Variants in LINGO2 observed in about 807,000 individuals in gnomAD.
LINGO2 encodes leucine rich repeat and Ig domain containing 2.
LINGO2 carries 14 observed loss-of-function variants against 30.6 expected under a neutral mutation model. That is an observed-to-expected ratio of 0.46 (90% CI 0.30 to 0.72). LINGO2 has a LOEUF of 0.72. LINGO2 is among the 30% of genes least tolerant of loss of function. The pLI is 0.07. For missense variants in LINGO2, 729 were observed against 751.7 expected (o/e 0.97, Z 0.35); for synonymous variants, 317 against 288.5 (o/e 1.10, Z -1.00).
intron 4 of LINGO2, among the ~76,000 whole-genome samples, chr9:28,289,996 G>A (rs577438297): frequency 6.6e-6 from 1 of 152,330 alleles, no homozygotes; most frequent in South Asian, 2.1e-4. Flanking sequence ...CTCACAGCCA[G>A]GAGAAGGGAT....
At chr9:28,320,818 C>T (rs1225442834) in intron 3 of LINGO2, among the ~76,000 whole-genome samples, 1 of 152,152 alleles carries the variant, frequency 6.6e-6, no homozygotes, top group Non-Finnish European at 1.5e-5. Flanking sequence ...ATCTGTTCCC[C>T]TTCTGTTTCC....
chr9:28,840,776 G>A, the LINGO2 span, among the ~76,000 whole-genome samples: 1 of 151,920 alleles, frequency 6.6e-6, no homozygotes, highest in African/African-American at 2.4e-5. Flanking sequence ...CTAAGGTTAT[G>A]GATCCAGTTT....
At chr9:28,885,350 T>C in the LINGO2 span, among the ~76,000 whole-genome samples, 1 of 39,620 alleles carries the variant, frequency 2.5e-5, no homozygotes, top group Non-Finnish European at 8.5e-5. Flanking sequence ...AGCAGGGAGA[T>C]ATATATATAT....
Position 28,129,968 on chromosome 9 carries a change from T to C in LINGO2, c.-86-117563A>G, listed in dbSNP as rs1237772186. 6.6e-6 allele frequency among the ~76,000 whole-genome samples: 1 copy of C among 152,218 alleles called. No homozygotes were observed. Among genetic ancestry groups the C allele is most frequent in the Non-Finnish European group, 1.5e-5 (1 of 68,032 alleles). ...ATCTTTGTGGTATAACAACTTATGT[T>C]CCAGTAACTTCTATTTTAGTAGACT... On this transcript the variant is annotated intron_variant, in intron 4 of 5. Transcript: ENST00000379992. The surrounding 1 kb of genome is among the most constrained non-coding windows in gnomAD (Gnocchi z 4.0).
intron 5 of LINGO2, among the ~76,000 whole-genome samples, chr9:27,959,690 C>T (rs1452265874): frequency 1.3e-5 from 2 of 152,108 alleles, no homozygotes; most frequent in African/African-American, 4.8e-5. Flanking sequence ...ATTGGACCAG[C>T]GTATGATCAA....
the LINGO2 span, among the ~76,000 whole-genome samples, chr9:28,847,991 A>G: frequency 1.2e-5 from 1 of 85,216 alleles, no homozygotes; most frequent in African/African-American, 4.3e-5. Context: ...GTATATATGT[A>G]TATGTACATA....
the LINGO2 span, among the ~76,000 whole-genome samples, chr9:28,880,759 T>C: frequency 6.6e-6 from 1 of 152,166 alleles, no homozygotes; most frequent in South Asian, 2.1e-4. Context: ...AAAACCCGAT[T>C]GTACATTTGT....
At chr9:28,051,579 C>T (rs1324679671) in intron 4 of LINGO2, among the ~76,000 whole-genome samples, 1 of 152,032 alleles carries the variant, frequency 6.6e-6, no homozygotes. Flanking sequence ...GTGATTTCAT[C>T]CTAATGATCT....
intron 1 of LINGO2, among the ~76,000 whole-genome samples, chr9:28,641,790 A>G (rs57115036): frequency 0.03 from 4,540 of 152,260 alleles, 212 homozygotes; most frequent in African/African-American, 0.097. Flanking sequence ...ATAAGGAGTC[A>G]GTCATTGGCA....
chr9:28,307,784 T>C (rs540096456), intron 3 of LINGO2, among the ~76,000 whole-genome samples: 2,659 of 152,076 alleles, frequency 0.017, 40 homozygotes, highest in African/African-American at 0.041. Context: ...TATACACCAA[T>C]AACAGACAAA....
intron 4 of LINGO2, among the ~76,000 whole-genome samples, chr9:28,163,293 G>A (rs1236091375): frequency 1.3e-5 from 2 of 152,128 alleles, no homozygotes; most frequent in Non-Finnish European, 2.9e-5. Flanking sequence ...AGTTAAGAAA[G>A]TGGGAATAGC....
At chr9:28,924,471 TCA>T in the LINGO2 span, among the ~76,000 whole-genome samples, 1 of 152,130 alleles carries the variant, frequency 6.6e-6, no homozygotes, top group African/African-American at 2.4e-5. Context: ...TCCGCCAGCC[TCA>T]GTCTCCCAAA....
At chr9:29,012,548 G>C in the LINGO2 span, among the ~76,000 whole-genome samples, 1 of 151,844 alleles carries the variant, frequency 6.6e-6, no homozygotes, top group Non-Finnish European at 1.5e-5. Context: ...TGTGTTAGTA[G>C]GTTTTATCAT....
the LINGO2 span, among the ~76,000 whole-genome samples, chr9:29,213,482 G>A: frequency 3.3e-5 from 5 of 152,100 alleles, no homozygotes; most frequent in Admixed American, 1.3e-4. Flanking sequence ...GCGGGGCTGG[G>A]CGGGCGGCGG....
chr9:29,187,694 T>C, the LINGO2 span, among the ~76,000 whole-genome samples: 1 of 151,732 alleles, frequency 6.6e-6, no homozygotes, highest in Non-Finnish European at 1.5e-5. Flanking sequence ...TGTACATATA[T>C]AAAAATTAAT....
At chr9:28,704,209 G>T in the LINGO2 span, among the ~76,000 whole-genome samples, 14,697 of 135,702 alleles carry the variant, frequency 0.11, 954 homozygotes, top group East Asian at 0.21. Context: ...TTCTAGGTTG[G>T]TGTGAGTTTT....
chr9:28,035,614 G>C (rs1452594251), intron 4 of LINGO2, among the ~76,000 whole-genome samples: 1 of 152,138 alleles, frequency 6.6e-6, no homozygotes, highest in Non-Finnish European at 1.5e-5. Flanking sequence ...TTTATCTTCA[G>C]TGAAAACATT....
chr9:29,089,215 A>G, the LINGO2 span, among the ~76,000 whole-genome samples: 135 of 151,596 alleles, frequency 8.9e-4, no homozygotes, highest in African/African-American at 3.2e-3. Context: ...ATATATCATC[A>G]ACATAATATT....
the LINGO2 span, among the ~76,000 whole-genome samples, chr9:29,043,383 G>A: frequency 3.3e-5 from 5 of 151,940 alleles, no homozygotes; most frequent in East Asian, 9.7e-4. Context: ...AAGATGATAA[G>A]GTCTATGATT....
Sources: allele counts gnomAD v4.1 joint callset (sites outside exome capture counted in the v4.1 genomes callset), GRCh38; gene constraint gnomAD v4.1.1; non-coding constraint Gnocchi (gnomAD v3.1); transcripts MANE v1.5; gene names NCBI Gene and HGNC (gene_info 2026-07-23, HGNC 2026-07-21).